The following RNF32 variants were observed in gnomAD, a reference collection of about 807,000 sequenced individuals.
RNF32 encodes ring finger protein 32.
In RNF32, 36 loss-of-function variants were observed where a neutral mutation model predicts 41.0. That is an observed-to-expected ratio of 0.88 (90% confidence interval 0.67 to 1.16). The LOEUF (loss-of-function observed/expected upper bound fraction) is 1.16. RNF32 is among the 50% of genes most tolerant of loss of function. The pLI, the probability that RNF32 is intolerant of heterozygous loss-of-function variation, is 0.00. For missense variants in RNF32, 413 were observed against 436.7 expected (o/e 0.95, Z 0.48); for synonymous variants, 154 against 160.9 (o/e 0.96, Z 0.32).
At chr7:156,664,442 CAA>C (rs1482883904) in intron 7 of RNF32, among the ~76,000 whole-genome samples, 1 of 151,638 alleles carries the variant, frequency 6.6e-6, no homozygotes, top group East Asian at 1.9e-4. Flanking sequence ...GCCTGGGCGA[CAA>C]GAGTCAAACT....
intron 4 of RNF32, 83 bp from the exon 5 acceptor site, chr7:156,657,458 C>G: frequency 7.7e-7 from 1 of 1,306,996 alleles, no homozygotes; most frequent in Non-Finnish European, 1.1e-6. Flanking sequence ...AGCTTACCTT[C>G]TAAGCATTCA....
At chr7:156,665,359 C>A (rs935608709) in intron 7 of RNF32, among the ~76,000 whole-genome samples, 2 of 152,140 alleles carry the variant, frequency 1.3e-5, no homozygotes, top group African/African-American at 4.8e-5. Context: ...TTCCATACTT[C>A]TATGTGTATG....
intron 1 of RNF32, among the ~76,000 whole-genome samples, chr7:156,642,018 T>G (rs777891725): frequency 1.4e-4 from 22 of 152,230 alleles, no homozygotes; most frequent in Non-Finnish European, 2.8e-4. Context: ...CTTTTCTATC[T>G]CTCCACTCAC....
chr7:156,658,348 G>C (rs1234398817), intron 6 of RNF32, 96 bp downstream of exon 6: 2 of 1,567,304 alleles, frequency 1.3e-6, no homozygotes, highest in Non-Finnish European at 1.7e-6. Flanking sequence ...CTCTCTTCTT[G>C]GCCACCATAA....
rs138165898 is a variant in RNF32 at position 156,652,793 on chromosome 7, T to A, written c.275-1783T>A. Among the ~76,000 whole-genome samples, 13 of 152,308 alleles carry A rather than the reference T, an allele frequency of 8.5e-5. No homozygotes were observed. In the East Asian group the frequency reaches 2.5e-3, roughly 29 times the overall value. On this transcript the variant is annotated intron_variant, in intron 3 of 8. Transcript: ENST00000317955. ...AAAATTAGCTGAGCATGGTATTGTG[T>A]GCCTTTGGTCCCAGCTTCTCAGGAG...
rs1016510905 is a variant in RNF32, at chr7:156,669,584, G to T, written c.685-6112G>T. ...AGGACCCAGACCCCTGTGAGGCCCT[G>T]AGCTGGGCGCTGAGCAGATAGGTCA... On this transcript the variant is annotated intron_variant, in intron 7 of 8. Transcript: ENST00000317955. This position sits in a 1 kb window ranked among gnomAD's most constrained non-coding sequence, Gnocchi z 4.2. 3.3e-5 allele frequency among the ~76,000 whole-genome samples: 5 copies of T among 152,170 alleles called. No individual in the cohort carries two copies. Among genetic ancestry groups the T allele is most frequent in the Non-Finnish European group, 5.9e-5 (4 of 68,018 alleles).
chr7:156,676,663 G>C lies in RNF32; in HGVS notation c.*8G>C, dbSNP rs1804117243. On this transcript the variant is annotated 3_prime_UTR_variant, in exon 9 of 9. Coordinates refer to ENST00000317955, the MANE Select transcript of RNF32 (RefSeq NM_030936.4). The stretch of plus-strand genomic sequence containing the variant: ...AAGATTCTTGAATGTTGAATTCATA[G>C]TCAAGGAAAGTTAGGTAATTCTGAG... 1.2e-6 allele frequency: 2 copies of C among 1,604,920 alleles called. No homozygotes were observed. The highest frequency in any genetic ancestry group is 1.7e-6 in the Non-Finnish European group (2 of 1,172,328).
chr7:156,645,697 A>G (rs1797895410), intron 3 of RNF32, among the ~76,000 whole-genome samples: 1 of 152,258 alleles, frequency 6.6e-6, no homozygotes, highest in African/African-American at 2.4e-5. Context: ...TACCAGGGTT[A>G]TATAAAAGGT....
At chr7:156,655,750 G>A (rs1190826234) in intron 4 of RNF32, among the ~76,000 whole-genome samples, 1 of 152,022 alleles carries the variant, frequency 6.6e-6, no homozygotes, top group Admixed American at 6.5e-5. Flanking sequence ...ATTTTGGACA[G>A]ATTTTAGCCC....
intron 4 of RNF32, among the ~76,000 whole-genome samples, chr7:156,655,902 A>G (rs1227288744): frequency 1.3e-5 from 2 of 152,230 alleles, no homozygotes. Context: ...TGAAGAATGA[A>G]AAGTGAAAGT....
At chr7:156,661,801 T>C (rs1800711067) in intron 7 of RNF32, among the ~76,000 whole-genome samples, 1 of 152,242 alleles carries the variant, frequency 6.6e-6, no homozygotes, top group Admixed American at 6.5e-5. Flanking sequence ...TGATGGGTTG[T>C]AGATATCAGC....
chr7:156,640,526 G>A (rs569330869), upstream of RNF32: 505 of 364,732 alleles, frequency 1.4e-3, 5 homozygotes, highest in Middle Eastern at 0.03. Context: ...GAGCCTCGAC[G>A]GGAACGCACC....
Position 156,654,662 on chromosome 7 carries a change from G to A in RNF32, c.361G>A (p.Gly121Arg), listed in dbSNP as rs146138027. Residue 121 changes from glycine to arginine, a missense_variant, in exon 4 of 9, where the codon GGG becomes AGG. Transcript: ENST00000317955. ...GGTGAAACAGCGCTCTCTCCTGCAAGGGGACTCCGTGCAACCATGCCCCAT... is the reference window on the plus strand; with the variant it reads ...GGTGAAACAGCGCTCTCTCCTGCAAAGGGACTCCGTGCAACCATGCCCCAT... The part of the protein sequence containing the change: ...EKVKQRSLLQ[G>R]DSVQPCPICK... 11 of 1,614,036 alleles carry A rather than the reference G, an allele frequency of 6.8e-6. 1 individual carries two copies. In the African/African-American group the frequency reaches 1.3e-4, roughly 20 times the overall value.
At chr7:156,660,345 A>G (rs1023456574) in intron 7 of RNF32, 4 of 954,932 alleles carry the variant, frequency 4.2e-6, no homozygotes, top group Admixed American at 1.2e-4. Context: ...TATGAATGCT[A>G]TTCTAGCTTG....
chr7:156,657,551 C>T lies in RNF32; in HGVS notation c.428C>T (p.Ser143Leu). The change falls in exon 5 of 9, where the codon TCA (serine) becomes TTA (leucine). Residue 143 changes from serine (S) to leucine (L), a missense_variant. Transcript: ENST00000317955. ...EFELRPQVLL[S>L]CSHVFHKACL... Reference sequence around the variant, plus strand: ...TTTCCTCATGAACAGGTGCTGCTTTCATGCTCCCATGTGTTCCACAAAGTA... The same window carrying T: ...TTTCCTCATGAACAGGTGCTGCTTTTATGCTCCCATGTGTTCCACAAAGTA... The T allele has an allele frequency of 6.2e-7, 1 of 1,614,208 alleles. No individual in the cohort carries two copies. The highest frequency in any genetic ancestry group is 8.5e-7 in the Non-Finnish European group (1 of 1,180,018).
At chr7:156,675,942 G>A (rs1803861061) in intron 8 of RNF32, 79 bp downstream of exon 8, 3 of 1,413,900 alleles carry the variant, frequency 2.1e-6, no homozygotes, top group African/African-American at 1.4e-5. Context: ...TGTGGGGGGA[G>A]GTCGAGGACT....
At chr7:156,661,135 C>T (rs565521365) in intron 7 of RNF32, among the ~76,000 whole-genome samples, 2 of 152,320 alleles carry the variant, frequency 1.3e-5, no homozygotes, top group Admixed American at 1.3e-4. Flanking sequence ...TTTCTTACTG[C>T]CTCAGACTGC....
rs748066642 is a variant in RNF32 at position 156,676,495 on chromosome 7, C to T, written c.929C>T (p.Ala310Val). ...GCTGCTGGCGGTCAGCGCGTGGGTG[C>T]AGGCAGGCGTTCCAGAGAGATGGCC... The part of the protein sequence containing the change: ...LSAAGGQRVG[A>V]GRRSREMALL... The change falls in exon 9 of 9, where the codon GCA (alanine) becomes GTA (valine). Residue 310 changes from alanine to valine, a missense_variant. Physicochemically the swap from Ala to Val is moderately conservative, Grantham distance 64 (BLOSUM62 0). Coordinates refer to ENST00000317955, the MANE Select transcript of RNF32 (RefSeq NM_030936.4). 4 of 1,613,912 alleles carry T rather than the reference C, an allele frequency of 2.5e-6. No homozygotes were observed. The highest frequency in any genetic ancestry group is 2.2e-5 in the East Asian group (1 of 44,872).
rs551563046 is a variant in RNF32 at position 156,640,882 on chromosome 7, G to A, written c.-78+71G>A. 3.3e-4 allele frequency: 63 copies of A among 193,558 alleles called. 1 individual carries two copies. The highest frequency in any genetic ancestry group is 1.3e-3 in the African/African-American group (56 of 41,770). The allele number at this position is 193,558 out of a possible 1,614,324, so 12.0% of individuals were successfully genotyped here. On this transcript the variant is annotated intron_variant, in intron 1 of 8. Coordinates refer to ENST00000317955, the MANE Select transcript of RNF32 (RefSeq NM_030936.4). Reference sequence around the variant, plus strand: ...CAGGCGGGCGGGGTCCATGGATTCGGGGTGAGGGCCGTCCGCGGCCTCGCT... The same window carrying A: ...CAGGCGGGCGGGGTCCATGGATTCGAGGTGAGGGCCGTCCGCGGCCTCGCT...
Sources: allele counts gnomAD v4.1 joint callset (sites outside exome capture counted in the v4.1 genomes callset), GRCh38; gene constraint gnomAD v4.1.1; non-coding constraint Gnocchi (gnomAD v3.1); transcripts MANE v1.5; gene names NCBI Gene and HGNC (gene_info 2026-07-23, HGNC 2026-07-21).